The following RALGAPB variants were observed in gnomAD, a reference collection of about 807,000 sequenced individuals.
RALGAPB encodes Ral GTPase activating protein non-catalytic subunit beta, also known as ral GTPase-activating protein subunit beta.
A neutral mutation model predicts 161.1 loss-of-function variants in RALGAPB; 25 were observed. The ratio of observed to expected loss-of-function variants is 0.16; its 90% CI spans 0.11 to 0.22. The LOEUF is 0.22. Ranked by LOEUF, RALGAPB falls within the 10% of genes least tolerant of loss-of-function variation. The probability of loss-of-function intolerance (pLI) is 1.00; values close to 1 mark genes in which losing one functional copy is unlikely to be tolerated. For missense variants in RALGAPB, 1,391 were observed against 1,815.2 expected (o/e 0.77, Z 4.25); for synonymous variants, 629 against 626.1 (o/e 1.00, Z -0.07).
intron 23 of RALGAPB, among the ~76,000 whole-genome samples, chr20:38,559,658 C>T (rs2087719300): frequency 6.6e-6 from 1 of 152,200 alleles, no homozygotes; most frequent in Non-Finnish European, 1.5e-5. Context: ...TGCACCATTG[C>T]ACTCCAGCCT....
intron 16 of RALGAPB, 44 bp downstream of exon 16, chr20:38,535,251 C>T: frequency 6.2e-7 from 1 of 1,602,214 alleles, no homozygotes; most frequent in Non-Finnish European, 8.5e-7. Flanking sequence ...AGCCTTGGGC[C>T]TTGGCTGTTT....
Position 38,531,401 on chromosome 20 carries a change from T to C in RALGAPB, c.2115+170T>C, listed in dbSNP as rs561167693. Among the ~76,000 whole-genome samples, 11 of 152,364 alleles carry C rather than the reference T, an allele frequency of 7.2e-5. 1 individual carries two copies. In the South Asian group the frequency reaches 2.1e-3, roughly 29 times the overall value. On this transcript the variant is annotated intron_variant, in intron 14 of 29. Transcript: ENST00000262879. Reference sequence around the variant, plus strand: ...TAATGTATATTTTGAGGTTTGCTTTTCAGTGCCTCTTCAGCTGTACATCAG... The same window carrying C: ...TAATGTATATTTTGAGGTTTGCTTTCCAGTGCCTCTTCAGCTGTACATCAG...
At chr20:38,482,643 G>A (rs919384379) in intron 1 of RALGAPB, among the ~76,000 whole-genome samples, 13 of 152,062 alleles carry the variant, frequency 8.5e-5, no homozygotes, top group African/African-American at 2.9e-4. Context: ...TGGTCAGGCC[G>A]GTCTCGAACT....
At chr20:38,555,563 TGAACAGA>T (rs997769918) in intron 22 of RALGAPB, among the ~76,000 whole-genome samples, 5 of 152,300 alleles carry the variant, frequency 3.3e-5, no homozygotes, top group Admixed American at 3.3e-4. Context: ...TGGAGAAAAT[TGAACAGA>T]GTAGAAGCAG....
At chr20:38,558,913 G>A (rs2087690322) in intron 23 of RALGAPB, among the ~76,000 whole-genome samples, 1 of 152,142 alleles carries the variant, frequency 6.6e-6, no homozygotes, top group East Asian at 1.9e-4. Context: ...ATAATTTGAG[G>A]GAGACTCACA....
At chr20:38,522,784 TAAGTAA>T (rs1291921113) in intron 10 of RALGAPB, among the ~76,000 whole-genome samples, 2 of 152,160 alleles carry the variant, frequency 1.3e-5, no homozygotes, top group African/African-American at 4.8e-5. Context: ...CAATCTGACT[TAAGTAA>T]AAGGAGAAGA....
At chr20:38,511,430 T>TA (rs1380587960) in intron 6 of RALGAPB, among the ~76,000 whole-genome samples, 25 of 152,030 alleles carry the variant, frequency 1.6e-4, no homozygotes, top group African/African-American at 6.0e-4. Flanking sequence ...GGTCAGCAGA[T>TA]AAACATGTGA....
At position 38,541,487 on chromosome 20, in the gene RALGAPB, A is replaced by T. The variant is rs74318625; in HGVS notation, c.2714+295A>T. ...AGACTTACTGTACCCCCTCACTTTGATAGCTAAGTCCAGAGATGGTGTCTG... is the reference window on the plus strand; with the variant it reads ...AGACTTACTGTACCCCCTCACTTTGTTAGCTAAGTCCAGAGATGGTGTCTG... On this transcript the variant is annotated intron_variant, in intron 18 of 29. Coordinates refer to ENST00000262879, the MANE Select transcript of RALGAPB (RefSeq NM_020336.4). Among the ~76,000 whole-genome samples, 9 of 152,008 alleles carry T rather than the reference A, an allele frequency of 5.9e-5. No individual in the cohort carries two copies. In the East Asian group the frequency reaches 1.7e-3, roughly 29 times the overall value.
rs2087952469 is a variant in RALGAPB at position 38,565,293 on chromosome 20, A to G, written c.3698-66A>G. 4 of 1,561,760 alleles carry G rather than the reference A, an allele frequency of 2.6e-6. No homozygotes were observed. The South Asian group carries it at 4.6e-5, about 18-fold the overall frequency. On this transcript the variant is annotated intron_variant, in intron 24 of 29. Transcript: ENST00000262879. Reference sequence around the variant, plus strand: ...TTATTAACCAGTTAACATTTCATGTAGCAAGATGATACTGGTTTTTTCCTA... The same window carrying G: ...TTATTAACCAGTTAACATTTCATGTGGCAAGATGATACTGGTTTTTTCCTA...
At chr20:38,500,612 A>G (rs1414564184) in intron 5 of RALGAPB, among the ~76,000 whole-genome samples, 2 of 152,210 alleles carry the variant, frequency 1.3e-5, no homozygotes, top group East Asian at 3.9e-4. Context: ...AGTGAAAGGA[A>G]TAGTTGGATG....
At chr20:38,550,140 G>C (rs1159502276) in intron 20 of RALGAPB, among the ~76,000 whole-genome samples, 1 of 152,180 alleles carries the variant, frequency 6.6e-6, no homozygotes, top group Non-Finnish European at 1.5e-5. Context: ...TCTGGGGCCT[G>C]TTGTCGGGTA....
chr20:38,542,351 G>A (rs1254958285), intron 18 of RALGAPB, among the ~76,000 whole-genome samples: 1 of 152,162 alleles, frequency 6.6e-6, no homozygotes, highest in East Asian at 1.9e-4. Context: ...GCACAGTGAA[G>A]TTGGATTTGT....
At chr20:38,490,188 T>A (rs1358066182) in intron 2 of RALGAPB, among the ~76,000 whole-genome samples, 2 of 151,754 alleles carry the variant, frequency 1.3e-5, no homozygotes, top group Non-Finnish European at 2.9e-5. Context: ...TTTTGTATTT[T>A]AAAAATGTAT....
In RALGAPB at chr20:38,536,146, G is replaced by C. The variant is rs553782227; in HGVS notation, c.2379+939G>C. ...ATGAAGCAGTTTTGCTTCAGTCTCCGCACCCCCTCCTCTGACAACCACCAT... is the reference window on the plus strand; with the variant it reads ...ATGAAGCAGTTTTGCTTCAGTCTCCCCACCCCCTCCTCTGACAACCACCAT... On this transcript the variant is annotated intron_variant, in intron 16 of 29. Coordinates refer to ENST00000262879, the MANE Select transcript of RALGAPB (RefSeq NM_020336.4). Among the ~76,000 whole-genome samples, 17 of 152,142 alleles carry C rather than the reference G, an allele frequency of 1.1e-4. No individual in the cohort carries two copies. In the East Asian group the frequency reaches 3.3e-3, roughly 29 times the overall value.
In RALGAPB at chr20:38,524,805, G is replaced by A; in HGVS notation, c.1647G>A (p.Leu549=). The A allele has an allele frequency of 1.2e-6, 2 of 1,609,430 alleles. No homozygotes were observed. Among genetic ancestry groups the A allele is most frequent in the South Asian group, 2.2e-5 (2 of 90,756 alleles). ...TTTACATGCTTTTAATTCAAGGTTT[G>A]CAGATAAATGATTATGTGTGCCATC... The part of the protein sequence containing the change: ...SRFYMLLIQG[L]QINDYVCHPV... The change falls in exon 11 of 30, where the codon TTG becomes TTA. Residue 549 remains leucine (L), a synonymous_variant. Coordinates refer to ENST00000262879, the MANE Select transcript of RALGAPB (RefSeq NM_020336.4).
intron 18 of RALGAPB, 130 bp downstream of exon 18, chr20:38,541,322 C>A: frequency 1.0e-6 from 1 of 952,800 alleles, no homozygotes; most frequent in Non-Finnish European, 1.4e-6. Flanking sequence ...ACTTTTTCTC[C>A]AGAAATAAAA....
At chr20:38,544,615 G>T (rs1014946646) in intron 18 of RALGAPB, among the ~76,000 whole-genome samples, 1 of 152,034 alleles carries the variant, frequency 6.6e-6, no homozygotes, top group African/African-American at 2.4e-5. Flanking sequence ...CTACAGGCAC[G>T]TGCCACTACA....
At chr20:38,562,054 T>A (rs1206881528) in intron 23 of RALGAPB, among the ~76,000 whole-genome samples, 3 of 152,268 alleles carry the variant, frequency 2.0e-5, no homozygotes, top group Non-Finnish European at 4.4e-5. Flanking sequence ...GATATTTTCA[T>A]ACTCATTTAT....
chr20:38,539,803 C>T lies in RALGAPB; in HGVS notation c.2407C>T (p.Arg803Trp), dbSNP rs909701420. The T allele has an allele frequency of 1.4e-5, 22 of 1,613,452 alleles. No individual in the cohort carries two copies. The highest frequency in any genetic ancestry group is 4.4e-5 in the South Asian group (4 of 90,996). Residue 803 changes from arginine (R) to tryptophan (W), a missense_variant, in exon 17 of 30, where the codon CGG (arginine) becomes TGG (tryptophan). Arg to Trp is a moderately radical substitution (Grantham distance 101, BLOSUM62 -3). Coordinates refer to ENST00000262879, the MANE Select transcript of RALGAPB (RefSeq NM_020336.4). ...KVKVMVDSGDRKRAISSVCTY... is the reference protein window; with the variant it reads ...KVKVMVDSGDWKRAISSVCTY... ...AAAAGTGATGGTTGACTCAGGAGAC[C>T]GGAAGCGAGCCATCAGTTCTGTGTG...
Sources: gnomAD v4.1 joint callset for allele counts (sites outside exome capture counted in the v4.1 genomes callset) on GRCh38, gnomAD v4.1.1 for gene constraint, MANE v1.5 for transcripts, NCBI Gene and HGNC (gene_info 2026-07-23, HGNC 2026-07-21) for gene names.